Variants in AOPEP observed in about 807,000 individuals in gnomAD.
AOPEP encodes the protein aminopeptidase O (putative), also known as aminopeptidase O.
Under a neutral mutation model 98.1 loss-of-function variants are expected in AOPEP, and 77 were observed. The ratio of observed to expected loss-of-function variants is 0.78; its 90% CI spans 0.65 to 0.95. AOPEP has a LOEUF of 0.95. Among genes scored for constraint, AOPEP ranks in the 40% least tolerant of loss-of-function variants. The probability of loss-of-function intolerance (pLI) is 0.00; values close to 1 mark genes in which losing one functional copy is unlikely to be tolerated. For missense variants in AOPEP, 1,024 were observed against 1,024.7 expected (o/e 1.00, Z 0.01); for synonymous variants, 346 against 365.3 (o/e 0.95, Z 0.60).
At chr9:95,150,167 A>C in the AOPEP span, 2 of 1,489,084 alleles carry the variant, frequency 1.3e-6, no homozygotes, top group Non-Finnish European at 1.9e-6. Context: ...TCATGCTAAA[A>C]AGGTCAAAGA....
intron 13 of AOPEP, among the ~76,000 whole-genome samples, chr9:95,020,395 A>T (rs184624156): frequency 1.3e-5 from 2 of 152,158 alleles, no homozygotes; most frequent in Non-Finnish European, 2.9e-5. Flanking sequence ...CTTATTGAGG[A>T]CTTTTCCATT....
intron 2 of AOPEP, among the ~76,000 whole-genome samples, chr9:94,765,581 G>A (rs1839415425): frequency 1.3e-5 from 2 of 151,300 alleles, no homozygotes; most frequent in African/African-American, 4.9e-5. Context: ...CAGCCTGGGC[G>A]ACAGAGTGAG....
intron 13 of AOPEP, among the ~76,000 whole-genome samples, chr9:95,040,920 C>T (rs200077633): frequency 6.6e-6 from 1 of 152,078 alleles, no homozygotes; most frequent in South Asian, 2.1e-4. Flanking sequence ...TAAACAGTCT[C>T]CCTTCCTCAA....
chr9:94,992,413 C>A (rs561454177), intron 11 of AOPEP, among the ~76,000 whole-genome samples: 1 of 152,324 alleles, frequency 6.6e-6, no homozygotes, highest in South Asian at 2.1e-4. Context: ...ACCACCGTCA[C>A]ACTGTAAGTG....
intron 5 of AOPEP, among the ~76,000 whole-genome samples, chr9:94,882,428 A>T (rs889217892): frequency 2.0e-5 from 3 of 152,206 alleles, no homozygotes; most frequent in African/African-American, 7.2e-5. Flanking sequence ...TGGGGTTTTT[A>T]AAATCCCCTT....
At chr9:94,835,068 C>T (rs934915375) in intron 5 of AOPEP, among the ~76,000 whole-genome samples, 9 of 152,034 alleles carry the variant, frequency 5.9e-5, no homozygotes, top group African/African-American at 2.2e-4. Flanking sequence ...GAAGTAGACC[C>T]ACACATGTAT....
chr9:94,832,839 G>T (rs897512756), intron 5 of AOPEP, among the ~76,000 whole-genome samples: 1 of 146,748 alleles, frequency 6.8e-6, no homozygotes, highest in Non-Finnish European at 1.5e-5. Flanking sequence ...AATTTTAAGT[G>T]GTTACCTATA....
At chr9:95,085,352 G>A (rs763255651) in intron 16 of AOPEP, 2 of 487,060 alleles carry the variant, frequency 4.1e-6, no homozygotes, top group Non-Finnish European at 8.6e-6. Context: ...TGGAGAACAG[G>A]TGCATCTCGT....
At position 94,972,627 on chromosome 9, in the gene AOPEP, A is replaced by G. The variant is rs906112956; in HGVS notation, c.1916+4826A>G. On this transcript the variant is annotated intron_variant, in intron 10 of 16. Transcript: ENST00000375315. This position sits in a 1 kb window ranked among gnomAD's most constrained non-coding sequence, Gnocchi z 4.2. Reference sequence around the variant, plus strand: ...AATCTTTATTATCTACCCAAGCACAAATGAATGTTTTGATCAAGAAAATAA... The same window carrying G: ...AATCTTTATTATCTACCCAAGCACAGATGAATGTTTTGATCAAGAAAATAA... 6.6e-6 allele frequency among the ~76,000 whole-genome samples: 1 copy of G among 152,216 alleles called. No homozygotes were observed. Among genetic ancestry groups the G allele is most frequent in the African/African-American group, 2.4e-5 (1 of 41,458 alleles).
intron 15 of AOPEP, among the ~76,000 whole-genome samples, chr9:95,082,184 C>G (rs1020920363): frequency 2.6e-5 from 4 of 152,132 alleles, no homozygotes; most frequent in African/African-American, 7.2e-5. Context: ...TAGGGACACA[C>G]TTTGCGGGGC....
intron 15 of AOPEP, 107 bp from the exon 16 acceptor site, chr9:95,082,468 T>C (rs1339514195): frequency 7.6e-7 from 1 of 1,310,632 alleles, no homozygotes; most frequent in Admixed American, 2.5e-5. Context: ...CTTTGCAATT[T>C]CTAGACCAGC....
intron 3 of AOPEP, among the ~76,000 whole-genome samples, chr9:94,784,970 G>A (rs1321389501): frequency 6.6e-6 from 1 of 151,682 alleles, no homozygotes; most frequent in African/African-American, 2.4e-5. Flanking sequence ...TTTAGCTCTT[G>A]TTGCCCAGGC....
intron 5 of AOPEP, among the ~76,000 whole-genome samples, chr9:94,845,763 T>A (rs1370171368): frequency 6.6e-6 from 1 of 151,838 alleles, no homozygotes; most frequent in Admixed American, 6.6e-5. Context: ...AGGGGAAGAA[T>A]AAGGTTGTAG....
intron 5 of AOPEP, among the ~76,000 whole-genome samples, chr9:94,812,319 T>C (rs1383645098): frequency 6.6e-6 from 1 of 152,120 alleles, no homozygotes; most frequent in African/African-American, 2.4e-5. Context: ...GCCTGGCCCC[T>C]TAGATATCTT....
intron 16 of AOPEP, among the ~76,000 whole-genome samples, chr9:95,083,800 G>A (rs1231481958): frequency 2.0e-5 from 3 of 152,158 alleles, no homozygotes; most frequent in Non-Finnish European, 4.4e-5. Context: ...TGTGTCTTGA[G>A]GGCAGGTCCT....
intron 11 of AOPEP, among the ~76,000 whole-genome samples, chr9:94,997,072 T>A (rs556546357): frequency 6.6e-6 from 1 of 152,312 alleles, no homozygotes; most frequent in East Asian, 1.9e-4. Flanking sequence ...AGGTCAGCAC[T>A]AAGATTGGGT....
At chr9:95,117,339 T>C in the AOPEP span, 26 of 1,613,956 alleles carry the variant, frequency 1.6e-5, 1 homozygote, top group Non-Finnish European at 2.0e-5. Context: ...AGCAGCACCA[T>C]GGCAAGAGAT....
At chr9:94,787,789 C>T (rs992751983) in intron 3 of AOPEP, among the ~76,000 whole-genome samples, 9 of 152,052 alleles carry the variant, frequency 5.9e-5, no homozygotes, top group African/African-American at 7.2e-5. Context: ...TTATTATACC[C>T]GTTTTCCCAA....
the AOPEP span, among the ~76,000 whole-genome samples, chr9:95,139,450 G>A: frequency 7.9e-5 from 12 of 152,240 alleles, no homozygotes; most frequent in Middle Eastern, 6.8e-3. Flanking sequence ...AGAAACATCA[G>A]TTTGAGGATA....
Sources: gnomAD v4.1 joint callset for allele counts (sites outside exome capture counted in the v4.1 genomes callset) on GRCh38, gnomAD v4.1.1 for gene constraint, Gnocchi (gnomAD v3.1) non-coding constraint, MANE v1.5 for transcripts, NCBI Gene and HGNC (gene_info 2026-07-23, HGNC 2026-07-21) for gene names.